C14orf39: variants seen among roughly 807,000 people sequenced by gnomAD.
The protein encoded by C14orf39 is chromosome 14 open reading frame 39.
A neutral mutation model predicts 85.6 loss-of-function variants in C14orf39; 66 were observed. That is an observed-to-expected ratio of 0.77 (90% CI 0.63 to 0.95). C14orf39 has a LOEUF of 0.95. C14orf39 is among the 40% of genes least tolerant of loss of function. C14orf39 has a pLI of 0.00. For missense variants in C14orf39, 735 were observed against 663.9 expected, an observed-to-expected ratio of 1.11 and a Z score of -1.18; for synonymous variants, 242 against 214.0, an observed-to-expected ratio of 1.13 and a Z score of -1.14.
chr14:60,453,457 C>T (rs562023233), intron 16 of C14orf39, among the ~76,000 whole-genome samples: 1 of 150,562 alleles, frequency 6.6e-6, no homozygotes, highest in East Asian at 1.9e-4. Context: ...AAGTGTGTTT[C>T]TTATAGATAG....
At chr14:60,471,270 A>C (rs1225526881) in intron 7 of C14orf39, 147 bp downstream of exon 7, 1 of 726,134 alleles carries the variant, frequency 1.4e-6, no homozygotes, top group Non-Finnish European at 2.2e-6. Context: ...AATGAATCCA[A>C]GATGACCTTT....
chr14:60,495,920 T>A, intron 2 of C14orf39: 1 of 437,692 alleles, frequency 2.3e-6, no homozygotes, highest in South Asian at 1.7e-5. Flanking sequence ...GTCCAGGGTG[T>A]GAGGTAGCAA....
intron 4 of C14orf39, 44 bp from the exon 5 acceptor site, chr14:60,478,433 A>T (rs1354882768): frequency 1.0e-6 from 1 of 977,264 alleles, no homozygotes; most frequent in African/African-American, 1.7e-5. Context: ...CAGAATGATA[A>T]ACAAATTGAT....
At chr14:60,450,822 G>A (rs1595448926) in intron 16 of C14orf39, among the ~76,000 whole-genome samples, 5 of 152,276 alleles carry the variant, frequency 3.3e-5, no homozygotes, top group Admixed American at 3.3e-4. Context: ...CATTTGTTTG[G>A]GAGAAATCAA....
At chr14:60,485,333 G>C (rs957956793) in intron 1 of C14orf39, among the ~76,000 whole-genome samples, 3 of 152,178 alleles carry the variant, frequency 2.0e-5, no homozygotes, top group Non-Finnish European at 4.4e-5. Context: ...GGATGGGGTG[G>C]GAAGCACCCG....
Position 60,494,596 on chromosome 14 carries a change from CAGAGCTCTCAGCTT to C in C14orf39, c.-9+4686_-9+4699del, listed in dbSNP as rs573188553. The C allele has an allele frequency of 5.3e-5, 8 of 152,286 alleles. No homozygotes were observed. The East Asian group carries it at 1.5e-3, about 30-fold the overall frequency. 9.4% of individuals were successfully genotyped at this position (152,286 alleles called of 1,614,324 possible). A position where few individuals can be genotyped will look rare whatever the true frequency, so the allele number is the denominator to read the frequency against. ...CCTTCCATCTTGGTGCAGCTATTGT[CAGAGCTCTCAGCTT>C]TGCCCTAGCATTGGGAGACTCTGAT... On this transcript the variant is annotated intron_variant, in intron 2 of 5. Coordinates refer to the C14orf39 transcript ENST00000556799.
At chr14:60,492,851 A>T (rs1490767964) in intron 2 of C14orf39, among the ~76,000 whole-genome samples, 1 of 152,200 alleles carries the variant, frequency 6.6e-6, no homozygotes, top group Non-Finnish European at 1.5e-5. Flanking sequence ...TGCCTGTTCT[A>T]ACTTTGCAGC....
At chr14:60,505,067 G>A (rs1893186100) in intron 1 of C14orf39, among the ~76,000 whole-genome samples, 1 of 152,116 alleles carries the variant, frequency 6.6e-6, no homozygotes, top group African/African-American at 2.4e-5. Context: ...TTAAAATTAG[G>A]TCAATATTTT....
intron 1 of C14orf39, chr14:60,510,032 C>G (rs1893267069): frequency 7.0e-7 from 1 of 1,434,184 alleles, no homozygotes; most frequent in Admixed American, 1.9e-5. Flanking sequence ...GGAGGCACCT[C>G]TGGCGCCCTT....
At chr14:60,479,364 C>CA (rs1025205511) in intron 4 of C14orf39, among the ~76,000 whole-genome samples, 7 of 152,032 alleles carry the variant, frequency 4.6e-5, no homozygotes, top group African/African-American at 1.7e-4. Flanking sequence ...CATAAATACT[C>CA]ATGGTCATAA....
rs751480483 is a variant in C14orf39 at position 60,469,543 on chromosome 14, T to C, written c.665A>G (p.Tyr222Cys). The C allele has an allele frequency of 5.0e-6, 7 of 1,405,438 alleles. No individual in the cohort carries two copies. The highest frequency in any genetic ancestry group is 6.8e-6 in the Non-Finnish European group (7 of 1,034,068). The allele number at this position is 1,405,438 out of a possible 1,614,324, so 87.1% of individuals were successfully genotyped here. ...EVDEMEIEIN[Y>C]LNQQISRHNE... is the part of the protein sequence containing the mutation. ...TAACAAAATATATACCTGGTTTAAA[T>C]AATTAATTTCTATTTCCATTTCATC... The change falls in exon 8 of 18, where the codon TAT becomes TGT. Residue 222 changes from tyrosine to cysteine, a missense_variant. Transcript: ENST00000321731.
At chr14:60,482,879 GGTGTGTGTGT>G (rs60206941) in intron 4 of C14orf39, among the ~76,000 whole-genome samples, 1 of 146,644 alleles carries the variant, frequency 6.8e-6, no homozygotes, top group African/African-American at 2.5e-5. Flanking sequence ...TATATAGACA[GGTGTGTGTGT>G]GTGTGTGTGT....
Position 60,457,339 on chromosome 14 carries a change from G to A in C14orf39, c.1180-244C>T, listed in dbSNP as rs541295955. 6.6e-5 allele frequency among the ~76,000 whole-genome samples: 10 copies of A among 151,200 alleles called. No individual in the cohort carries two copies. In the South Asian group the frequency reaches 2.1e-3, roughly 32 times the overall value. On this transcript the variant is annotated intron_variant, in intron 14 of 17. Coordinates refer to ENST00000321731, the MANE Select transcript of C14orf39 (RefSeq NM_174978.3). Reference sequence around the variant, plus strand: ...CCATCTTCCACTTCTACCTGAAAAAGTAAATGACAGCCAGAACATATTGGA... The same window carrying A: ...CCATCTTCCACTTCTACCTGAAAAAATAAATGACAGCCAGAACATATTGGA...
chr14:60,466,739 C>T (rs1891806358), intron 10 of C14orf39, among the ~76,000 whole-genome samples, 178 bp downstream of exon 10: 1 of 151,836 alleles, frequency 6.6e-6, no homozygotes. Flanking sequence ...AAAAAAGTTA[C>T]GTATAGAAGA....
At position 60,466,999 on chromosome 14, in the gene C14orf39, T is replaced by G. The variant is rs1254426119; in HGVS notation, c.813A>C (p.Gln271His). The part of the protein sequence containing the change: ...DEHVLTLNKT[Q>H]SSQLFLPYES... ...CATAAGGAAGAAATAATTGACTGCT[T>G]TGAGTTTTATTCAATGTAAGTACAT... Residue 271 changes from glutamine to histidine, a missense_variant, in exon 10 of 18, where the codon CAA becomes CAC. Coordinates refer to ENST00000321731, the MANE Select transcript of C14orf39 (RefSeq NM_174978.3). 5 of 1,462,576 alleles carry G rather than the reference T, an allele frequency of 3.4e-6. No individual in the cohort carries two copies. Among genetic ancestry groups the G allele is most frequent in the South Asian group, 1.5e-5 (1 of 66,754 alleles). The allele number at this position is 1,462,576 out of a possible 1,614,324, so 90.6% of individuals were successfully genotyped here. A position where few individuals can be genotyped will look rare whatever the true frequency, so the allele number is the denominator to read the frequency against.
At chr14:60,471,348 AG>A in intron 7 of C14orf39, 68 bp downstream of exon 7, 2 of 1,159,774 alleles carry the variant, frequency 1.7e-6, no homozygotes, top group East Asian at 5.2e-5. Context: ...AAGGAAACAC[AG>A]TAACAATTAA....
chr14:60,470,986 C>A (rs1028640061), intron 7 of C14orf39, among the ~76,000 whole-genome samples: 19 of 151,930 alleles, frequency 1.3e-4, no homozygotes, highest in African/African-American at 4.3e-4. Flanking sequence ...CCCTACTAAA[C>A]CCAGAGCTCC....
chr14:60,499,897 T>G (rs1265437028), intron 1 of C14orf39, among the ~76,000 whole-genome samples: 1 of 152,224 alleles, frequency 6.6e-6, no homozygotes, highest in Non-Finnish European at 1.5e-5. Flanking sequence ...TATATTAACA[T>G]GTATAACCTC....
intron 5 of C14orf39, among the ~76,000 whole-genome samples, chr14:60,475,846 T>G (rs1303850662): frequency 6.6e-6 from 1 of 152,116 alleles, no homozygotes; most frequent in Non-Finnish European, 1.5e-5. Context: ...CGTAGAAAAA[T>G]TTTTGAAAAT....
Sources: gnomAD v4.1 joint callset for allele counts (sites outside exome capture counted in the v4.1 genomes callset) on GRCh38, gnomAD v4.1.1 for gene constraint, MANE v1.5 for transcripts, NCBI Gene and HGNC (gene_info 2026-07-23, HGNC 2026-07-21) for gene names.